ZBTB16: variants seen among roughly 807,000 people sequenced by gnomAD.
The protein encoded by ZBTB16 is zinc finger and BTB domain containing 16, also known as zinc finger and BTB domain-containing protein 16.
A neutral mutation model predicts 56.8 loss-of-function variants in ZBTB16; 8 were observed. The observed-to-expected ratio is 0.14, with a 90% CI of 0.08 to 0.25. The LOEUF (loss-of-function observed/expected upper bound fraction) is 0.25, where lower values mean the gene tolerates loss of function less well. ZBTB16 is among the 10% of genes least tolerant of loss of function. The probability of loss-of-function intolerance (pLI) is 1.00; values close to 1 mark genes in which losing one functional copy is unlikely to be tolerated. For synonymous variants in ZBTB16, 363 were observed against 368.5 expected, an observed-to-expected ratio of 0.98 and a Z score of 0.17; for missense variants, 625 against 903.0, an observed-to-expected ratio of 0.69 and a Z score of 3.95.
intron 4 of ZBTB16, among the ~76,000 whole-genome samples, chr11:114,227,530 TAG>T (rs1005792966): frequency 6.6e-6 from 1 of 152,204 alleles, no homozygotes; most frequent in African/African-American, 2.4e-5. Context: ...AACCAAGAGA[TAG>T]AGTGCTGTAT....
chr11:114,172,394 G>C (rs968496718), intron 3 of ZBTB16, among the ~76,000 whole-genome samples: 2 of 152,124 alleles, frequency 1.3e-5, no homozygotes, highest in Admixed American at 1.3e-4. Context: ...GCTTTACTTC[G>C]TCATCTCATT....
intron 2 of ZBTB16, among the ~76,000 whole-genome samples, chr11:114,108,550 C>T (rs1365944221): frequency 6.6e-6 from 1 of 152,190 alleles, no homozygotes; most frequent in Non-Finnish European, 1.5e-5. Flanking sequence ...CTTCTTCCCC[C>T]TCCACATTCC....
chr11:114,120,349 G>T (rs1296540060), intron 2 of ZBTB16, among the ~76,000 whole-genome samples: 1 of 152,152 alleles, frequency 6.6e-6, no homozygotes, highest in Non-Finnish European at 1.5e-5. Context: ...AGCAAGTGAG[G>T]TTAAAGACCG....
At chr11:114,168,020 A>G (rs187949682) in intron 3 of ZBTB16, among the ~76,000 whole-genome samples, 1 of 152,288 alleles carries the variant, frequency 6.6e-6, no homozygotes, top group East Asian at 1.9e-4. Context: ...CCATTTATCT[A>G]TCCCCTCTTA....
chr11:114,136,813 A>G (rs77116234), intron 2 of ZBTB16, among the ~76,000 whole-genome samples: 1,613 of 152,232 alleles, frequency 0.011, 29 homozygotes, highest in African/African-American at 0.036. Flanking sequence ...ATTCAAGTGT[A>G]GTTTTAACTG....
intron 4 of ZBTB16, among the ~76,000 whole-genome samples, chr11:114,207,060 G>C (rs1368712207): frequency 6.6e-6 from 1 of 152,154 alleles, no homozygotes; most frequent in Non-Finnish European, 1.5e-5. Context: ...TGGCAATGGA[G>C]GGTGGATGCA....
chr11:114,067,213 C>T (rs1791802), intron 2 of ZBTB16, among the ~76,000 whole-genome samples: 56,297 of 152,016 alleles, frequency 0.37, 12,828 homozygotes, highest in Non-Finnish European at 0.51. Flanking sequence ...GTTGTTTAGG[C>T]CTCATCTCTG....
intron 2 of ZBTB16, among the ~76,000 whole-genome samples, chr11:114,087,965 C>A (rs1940022361): frequency 1.3e-5 from 2 of 152,124 alleles, no homozygotes; most frequent in African/African-American, 4.8e-5. Flanking sequence ...CTTCCCATGC[C>A]ATATCCTTCT....
Position 114,185,093 on chromosome 11 carries a change from A to C in ZBTB16, c.1367-1859A>C, listed in dbSNP as rs374072118. ...CATGGTGGCGTGCACCTGTTGTCCCAGCTACTCAGGAGGCTGAGGTGGGAG... is the reference window on the plus strand; with the variant it reads ...CATGGTGGCGTGCACCTGTTGTCCCCGCTACTCAGGAGGCTGAGGTGGGAG... On this transcript the variant is annotated intron_variant, in intron 3 of 6. Transcript: ENST00000335953. 5.3e-5 allele frequency among the ~76,000 whole-genome samples: 8 copies of C among 152,262 alleles called. No homozygotes were observed. The East Asian group carries it at 1.2e-3, about 22-fold the overall frequency.
intron 3 of ZBTB16, 112 bp downstream of exon 3, chr11:114,156,546 C>T: frequency 2.0e-6 from 2 of 996,614 alleles, no homozygotes; most frequent in Non-Finnish European, 3.1e-6. Context: ...CCCGCTGGGG[C>T]CCTGGTCCAT....
In ZBTB16 at chr11:114,250,541, C is replaced by T. The variant is rs772671929; in HGVS notation, c.2008C>T (p.Leu670=). 1 of 1,614,104 alleles carries T rather than the reference C, an allele frequency of 6.2e-7. No individual in the cohort carries two copies. Among genetic ancestry groups the T allele is most frequent in the Non-Finnish European group, 8.5e-7 (1 of 1,180,028 alleles). The change falls in exon 7 of 7, where the codon CTG becomes TTG. Residue 670 remains leucine (L), a synonymous_variant. Transcript: ENST00000335953. The surrounding 1 kb of genome is among the most constrained non-coding windows in gnomAD (Gnocchi z 6.0). ...GAGGATAGAGAAGACGTACCTCTAC[C>T]TGTGCTATGTGTGAAGGGAGGCCCG... ...DWRIEKTYLY[L]CYV is the part of the protein sequence containing the mutation.
rs149258415 is a variant in ZBTB16, at chr11:114,119,634, G to C, written c.1269-36703G>C. ...AGGATGGATAGAAAACTTCTGTTTG[G>C]GTCTCTGCAGTGATGGAGCAATGTG... On this transcript the variant is annotated intron_variant, in intron 2 of 6. Coordinates refer to ENST00000335953, the MANE Select transcript of ZBTB16 (RefSeq NM_006006.6). Among the ~76,000 whole-genome samples, 623 of 152,212 alleles carry C rather than the reference G, an allele frequency of 4.1e-3. 3 individuals are homozygous for C. The highest frequency in any genetic ancestry group is 6.9e-3 in the Non-Finnish European group (469 of 67,996).
intron 3 of ZBTB16, among the ~76,000 whole-genome samples, chr11:114,167,235 T>G (rs1175566025): frequency 7.0e-5 from 7 of 99,666 alleles, no homozygotes; most frequent in African/African-American, 2.5e-4. Flanking sequence ...TTTTTTGGTT[T>G]TTTTTTTTTT....
intron 3 of ZBTB16, among the ~76,000 whole-genome samples, chr11:114,170,223 C>T (rs977724341): frequency 4.6e-5 from 7 of 152,204 alleles, no homozygotes; most frequent in Non-Finnish European, 7.3e-5. Flanking sequence ...AAATATGTTA[C>T]GAGTACCTAG....
chr11:114,136,324 C>G (rs1941797164), intron 2 of ZBTB16, among the ~76,000 whole-genome samples: 1 of 152,122 alleles, frequency 6.6e-6, no homozygotes, highest in Non-Finnish European at 1.5e-5. Context: ...GGGGGGCCAC[C>G]CAAAAGCAAC....
intron 2 of ZBTB16, among the ~76,000 whole-genome samples, chr11:114,088,751 G>A (rs1293705403): frequency 1.3e-5 from 2 of 152,206 alleles, no homozygotes; most frequent in African/African-American, 4.8e-5. Flanking sequence ...CCCAGACTCA[G>A]GTATTGTTAA....
intron 2 of ZBTB16, among the ~76,000 whole-genome samples, chr11:114,133,060 C>G (rs191427168): frequency 5.9e-5 from 9 of 152,292 alleles, no homozygotes; most frequent in Admixed American, 3.3e-4. Flanking sequence ...TAGTGTCTGA[C>G]TCTTTTTATA....
intron 4 of ZBTB16, chr11:114,210,824 A>AT (rs1943984623): frequency 4.6e-6 from 1 of 215,324 alleles, no homozygotes; most frequent in African/African-American, 2.3e-5. Context: ...GGGGTTCAAA[A>AT]TTTGTGAGTT....
intron 3 of ZBTB16, among the ~76,000 whole-genome samples, chr11:114,171,892 A>G (rs915219333): frequency 3.3e-5 from 5 of 152,246 alleles, no homozygotes; most frequent in African/African-American, 1.2e-4. Flanking sequence ...AAAATTAGCT[A>G]GGAAAGTTAA....
Sources: gnomAD v4.1 joint callset for allele counts (sites outside exome capture counted in the v4.1 genomes callset) on GRCh38, gnomAD v4.1.1 for gene constraint, Gnocchi (gnomAD v3.1) non-coding constraint, MANE v1.5 for transcripts, NCBI Gene and HGNC (gene_info 2026-07-23, HGNC 2026-07-21) for gene names.